The following GRM8 variants were observed in gnomAD, a reference collection of about 807,000 sequenced individuals.
GRM8 encodes the protein metabotropic glutamate receptor 8.
In GRM8, 47 loss-of-function variants were observed where a neutral mutation model predicts 87.2. That is an observed-to-expected ratio of 0.54 (90% CI 0.43 to 0.69). The LOEUF (loss-of-function observed/expected upper bound fraction) is 0.69. Ranked by LOEUF, GRM8 falls within the 30% of genes least tolerant of loss-of-function variation. The pLI is 0.00. For missense variants in GRM8, 1,019 were observed against 1,139.2 expected (o/e 0.89, Z 1.52); for synonymous variants, 396 against 404.5 (o/e 0.98, Z 0.25).
intron 3 of GRM8, among the ~76,000 whole-genome samples, chr7:126,990,324 CT>C (rs1227597269): frequency 6.7e-6 from 1 of 148,532 alleles, no homozygotes; most frequent in Non-Finnish European, 1.5e-5. Flanking sequence ...AAAGATTTTG[CT>C]TTCATGATTA....
intron 3 of GRM8, among the ~76,000 whole-genome samples, chr7:127,007,478 T>C (rs757934012): frequency 6.6e-6 from 1 of 152,100 alleles, no homozygotes; most frequent in Non-Finnish European, 1.5e-5. Context: ...CTTTACTTTA[T>C]ATTAATAACT....
At position 126,609,421 on chromosome 7, in the gene GRM8, T is replaced by C. The variant is rs771378184; in HGVS notation, c.1435A>G (p.Thr479Ala). Residue 479 changes from threonine to alanine, a missense_variant, in exon 8 of 11, where the codon ACC becomes GCC. Thr to Ala is a moderately conservative substitution (Grantham distance 58). Coordinates refer to ENST00000339582, the MANE Select transcript of GRM8 (RefSeq NM_000845.3). ...ACTTTGTACTCTGTGCTTTTGTTGG[T>C]TATTTGATACTGGAAGATATCATAA... ...GRYDIFQYQI[T>A]NKSTEYKVIG... 5 of 1,613,416 alleles carry C rather than the reference T, an allele frequency of 3.1e-6. No homozygotes were observed. In the South Asian group the frequency reaches 5.5e-5, roughly 18 times the overall value.
At chr7:127,133,306 T>C (rs1468524307) in intron 2 of GRM8, among the ~76,000 whole-genome samples, 4 of 151,598 alleles carry the variant, frequency 2.6e-5, no homozygotes, top group African/African-American at 4.9e-5. Flanking sequence ...TAATCCCAGC[T>C]ACTCAGGAGG....
intron 3 of GRM8, among the ~76,000 whole-genome samples, chr7:126,926,399 C>G (rs1805124417): frequency 1.3e-5 from 2 of 152,212 alleles, no homozygotes; most frequent in Non-Finnish European, 2.9e-5. Context: ...GTTTCAAACC[C>G]CAAATCCCTC....
intron 8 of GRM8, among the ~76,000 whole-genome samples, chr7:126,534,603 C>T (rs1269105745): frequency 1.3e-5 from 2 of 152,160 alleles, no homozygotes; most frequent in East Asian, 1.9e-4. Flanking sequence ...AGATTTTCCC[C>T]ACTTTGCTTA....
intron 4 of GRM8, 123 bp from the exon 5 acceptor site, chr7:126,904,249 G>A (rs999183600): frequency 2.1e-5 from 17 of 798,400 alleles, no homozygotes; most frequent in African/African-American, 1.2e-4. Context: ...CAATTAAGAC[G>A]ATCATTCTAA....
Position 127,106,796 on chromosome 7 carries a change from T to G in GRM8, c.511-84A>C, listed in dbSNP as rs762311971. The G allele has an allele frequency of 7.2e-6, 7 of 970,812 alleles. No individual in the cohort carries two copies. The Admixed American group carries it at 9.4e-5, about 13-fold the overall frequency. 60.1% of individuals were successfully genotyped at this position (970,812 alleles called of 1,614,324 possible). On this transcript the variant is annotated intron_variant, in intron 2 of 10. Transcript: ENST00000339582. ...GTCATATGAGCTAAACAGCCAAGGC[T>G]ATACCAGAAACCTAGACATATCAAC...
intron 2 of GRM8, among the ~76,000 whole-genome samples, chr7:127,222,401 C>T (rs894535413): frequency 6.6e-5 from 10 of 152,118 alleles, no homozygotes; most frequent in African/African-American, 2.4e-5. Context: ...GGGTAATACC[C>T]TGTCTCAAAA....
At chr7:126,585,435 C>A (rs191194047) in intron 8 of GRM8, among the ~76,000 whole-genome samples, 3 of 152,144 alleles carry the variant, frequency 2.0e-5, no homozygotes, top group East Asian at 1.9e-4. Flanking sequence ...ACCCGTTACA[C>A]ATTTTATGGA....
intron 6 of GRM8, among the ~76,000 whole-genome samples, chr7:126,901,877 A>C (rs1376116630): frequency 1.3e-5 from 2 of 152,140 alleles, no homozygotes; most frequent in African/African-American, 4.8e-5. Context: ...GAATGTTTAT[A>C]TTGACCTCAT....
chr7:127,149,997 A>G (rs1163684551), intron 2 of GRM8, among the ~76,000 whole-genome samples: 1 of 152,094 alleles, frequency 6.6e-6, no homozygotes, highest in Non-Finnish European at 1.5e-5. Flanking sequence ...ATTGTACTCT[A>G]TATGAGATTC....
chr7:127,061,329 T>C (rs1286330303), intron 3 of GRM8, among the ~76,000 whole-genome samples: 1 of 152,180 alleles, frequency 6.6e-6, no homozygotes, highest in East Asian at 1.9e-4. Flanking sequence ...ACTTATTTAA[T>C]GATCTTGAAA....
intron 3 of GRM8, among the ~76,000 whole-genome samples, chr7:126,906,191 C>T (rs1802651232): frequency 6.6e-6 from 1 of 152,178 alleles, no homozygotes; most frequent in Non-Finnish European, 1.5e-5. Flanking sequence ...AGCAAAAAGA[C>T]ACTGAACCAG....
chr7:126,550,835 A>G (rs1424580258), intron 8 of GRM8, among the ~76,000 whole-genome samples: 2 of 151,882 alleles, frequency 1.3e-5, no homozygotes, highest in Non-Finnish European at 2.9e-5. Flanking sequence ...AAACAGAATA[A>G]TGGTGAATTA....
At chr7:127,105,532 T>C (rs866922432) in intron 3 of GRM8, among the ~76,000 whole-genome samples, 1 of 152,238 alleles carries the variant, frequency 6.6e-6, no homozygotes. Context: ...TTGGTAATTA[T>C]GGTTAAGCCC....
At chr7:126,792,441 G>C (rs1258935559) in intron 6 of GRM8, among the ~76,000 whole-genome samples, 1 of 152,156 alleles carries the variant, frequency 6.6e-6, no homozygotes, top group Non-Finnish European at 1.5e-5. Flanking sequence ...CTCTTGGCTA[G>C]GGCCCAACAG....
At chr7:126,926,161 C>G (rs995362326) in intron 3 of GRM8, among the ~76,000 whole-genome samples, 1 of 151,862 alleles carries the variant, frequency 6.6e-6, no homozygotes. Flanking sequence ...TTAAATGTTA[C>G]CCGTATTATA....
At chr7:126,521,138 A>G (rs1812927830) in intron 9 of GRM8, among the ~76,000 whole-genome samples, 1 of 152,170 alleles carries the variant, frequency 6.6e-6, no homozygotes, top group South Asian at 2.1e-4. Flanking sequence ...AACATATGAC[A>G]TTTAATCTTA....
At chr7:127,053,461 A>G (rs1819673464) in intron 3 of GRM8, among the ~76,000 whole-genome samples, 1 of 152,178 alleles carries the variant, frequency 6.6e-6, no homozygotes, top group Non-Finnish European at 1.5e-5. Context: ...GTTTATACTT[A>G]CTTATATTGA....
Sources: allele counts gnomAD v4.1 joint callset (sites outside exome capture counted in the v4.1 genomes callset), GRCh38; gene constraint gnomAD v4.1.1; transcripts MANE v1.5; gene names NCBI Gene and HGNC (gene_info 2026-07-23, HGNC 2026-07-21).